The following SHB variants were observed in gnomAD, a reference collection of about 807,000 sequenced individuals.
SHB encodes SH2 domain containing adaptor protein B, also known as SH2 domain-containing adapter protein B.
Under a neutral mutation model 52.3 loss-of-function variants are expected in SHB, and 20 were observed. That is an observed-to-expected ratio of 0.38 (90% confidence interval 0.27 to 0.56). The LOEUF is 0.56. Ranked by LOEUF, SHB falls within the 20% of genes least tolerant of loss-of-function variation. The pLI is 0.71. For synonymous variants in SHB, 397 were observed against 316.5 expected (o/e 1.25, Z -2.70); for missense variants, 825 against 723.3 (o/e 1.14, Z -1.61).
At chr9:37,989,070 T>A (rs1420802068) in intron 2 of SHB, among the ~76,000 whole-genome samples, 2 of 130,004 alleles carry the variant, frequency 1.5e-5, no homozygotes, top group Non-Finnish European at 3.2e-5. Flanking sequence ...TCTCTGCACA[T>A]GCACATACAC....
intron 5 of SHB, among the ~76,000 whole-genome samples, chr9:37,925,750 T>C (rs116051323): frequency 0.011 from 1,626 of 152,346 alleles, 21 homozygotes; most frequent in African/African-American, 0.038. Context: ...CCAAAGAATG[T>C]GGCACAAAGC....
chr9:38,060,917 C>G (rs1821883238), intron 1 of SHB, among the ~76,000 whole-genome samples: 1 of 152,214 alleles, frequency 6.6e-6, no homozygotes, highest in African/African-American at 2.4e-5. Flanking sequence ...CTATCCAGGC[C>G]CTGGTTCATC....
chr9:38,022,494 C>T (rs1821293271), intron 1 of SHB, among the ~76,000 whole-genome samples: 1 of 152,124 alleles, frequency 6.6e-6, no homozygotes, highest in Non-Finnish European at 1.5e-5. Context: ...TGGCCCTCTC[C>T]CCAGCTCTGA....
At chr9:38,004,058 C>T (rs1402152840) in intron 2 of SHB, among the ~76,000 whole-genome samples, 1 of 152,202 alleles carries the variant, frequency 6.6e-6, no homozygotes, top group East Asian at 1.9e-4. Context: ...CCTGCTCCTG[C>T]CTGGGCTTTG....
intron 2 of SHB, among the ~76,000 whole-genome samples, chr9:37,976,742 G>C (rs1274847657): frequency 2.0e-5 from 3 of 152,172 alleles, no homozygotes; most frequent in African/African-American, 4.8e-5. Context: ...AAAGGGGTGA[G>C]GACTGTAAGT....
At chr9:38,060,132 T>A (rs1022509516) in intron 1 of SHB, among the ~76,000 whole-genome samples, 1 of 152,176 alleles carries the variant, frequency 6.6e-6, no homozygotes, top group Admixed American at 6.5e-5. Context: ...AGATCTGGCT[T>A]CACATCTCAT....
In SHB at chr9:38,068,467, G is replaced by A; in HGVS notation, c.179C>T (p.Ala60Val). The A allele has an allele frequency of 3.3e-6, 5 of 1,516,638 alleles. No individual in the cohort carries two copies. The highest frequency in any genetic ancestry group is 2.4e-5 in the South Asian group (2 of 81,692). The allele number at this position is 1,516,638 out of a possible 1,614,324, so 93.9% of individuals were successfully genotyped here. A position where few individuals can be genotyped will look rare whatever the true frequency, so the allele number is the denominator to read the frequency against. The change falls in exon 1 of 6, where the codon GCC becomes GTC. Residue 60 changes from alanine (A) to valine (V), a missense_variant. Physicochemically the swap from Ala to Val is moderately conservative, Grantham distance 64. Coordinates refer to ENST00000377707, the MANE Select transcript of SHB (RefSeq NM_003028.3). ...AASASCGPAT[A>V]SCFSASSGSL... ...GCCCGAAGAGGCTGAGAAGCAGGAG[G>A]CGGTGGCCGGACCGCAGGACGCCGA...
At chr9:37,980,383 T>C (rs1334963671) in intron 2 of SHB, among the ~76,000 whole-genome samples, 2 of 152,250 alleles carry the variant, frequency 1.3e-5, no homozygotes, top group Non-Finnish European at 2.9e-5. Context: ...TGCTCATCCA[T>C]AAGAAGCAAC....
intron 2 of SHB, among the ~76,000 whole-genome samples, chr9:37,996,970 T>G (rs566359033): frequency 1.4e-4 from 21 of 152,320 alleles, no homozygotes; most frequent in Middle Eastern, 3.4e-3. Flanking sequence ...TCAATCTGTG[T>G]GTCTGCCTGG....
At chr9:37,944,386 C>A (rs576151036) in intron 5 of SHB, among the ~76,000 whole-genome samples, 1 of 152,290 alleles carries the variant, frequency 6.6e-6, no homozygotes, top group East Asian at 1.9e-4. Flanking sequence ...AGCCTTACAC[C>A]AACCCTAAAT....
intron 3 of SHB, among the ~76,000 whole-genome samples, chr9:37,959,855 G>A (rs1394939169): frequency 2.0e-5 from 3 of 152,124 alleles, no homozygotes; most frequent in South Asian, 2.1e-4. Context: ...CCTGGCTCCC[G>A]GTGAGCCCCC....
chr9:37,948,749 T>C lies in SHB; in HGVS notation c.1232A>G (p.Tyr411Cys). The C allele has an allele frequency of 6.2e-7, 1 of 1,613,710 alleles. No homozygotes were observed. The highest frequency in any genetic ancestry group is 8.5e-7 in the Non-Finnish European group (1 of 1,179,982). ...PAVPLEKQIW[Y>C]HGAISRGDAE... ...GTCTCCTCTGCTGATGGCTCCGTGA[T>C]ACCATCTGTGGAGAGGGCAGAGAGT... is the stretch of plus-strand genomic sequence containing the variant. Residue 411 changes from tyrosine (Y) to cysteine (C), a missense_variant, in exon 5 of 6, where the codon TAT (tyrosine) becomes TGT (cysteine). By Grantham distance (194) the Tyr-to-Cys change is radical. Transcript: ENST00000377707.
Position 38,047,377 on chromosome 9 carries a change from G to A in SHB, c.717+20552C>T, listed in dbSNP as rs114681159. 9.2e-3 allele frequency among the ~76,000 whole-genome samples: 1,398 copies of A among 152,112 alleles called. 17 individuals are homozygous for A. Among genetic ancestry groups the A allele is most frequent in the African/African-American group, 0.029 (1,182 of 41,380 alleles). ...GGCTGAGCTATTTTCTAGTTGCAGC[G>A]GTCCAATCTTCTTACCCACAAGTGT... On this transcript the variant is annotated intron_variant, in intron 1 of 5. Coordinates refer to ENST00000377707, the MANE Select transcript of SHB (RefSeq NM_003028.3).
intron 2 of SHB, among the ~76,000 whole-genome samples, chr9:37,991,306 C>A (rs1435002947): frequency 6.6e-6 from 1 of 152,188 alleles, no homozygotes; most frequent in Non-Finnish European, 1.5e-5. Context: ...TGATCAGAGT[C>A]TGTGCACGCT....
chr9:37,979,643 A>G (rs1587225816), intron 2 of SHB, among the ~76,000 whole-genome samples: 1 of 151,930 alleles, frequency 6.6e-6, no homozygotes, highest in East Asian at 1.9e-4. Flanking sequence ...CAAAAAAACA[A>G]CAACAACAAA....
rs369548116 is a variant in SHB, at chr9:37,956,545, C to T, written c.1055-491G>A. Among the ~76,000 whole-genome samples the T allele has an allele frequency of 2.0e-4, 30 of 152,334 alleles. No individual in the cohort carries two copies. In the East Asian group the frequency reaches 3.9e-3, roughly 20 times the overall value. On this transcript the variant is annotated intron_variant, in intron 3 of 5. Coordinates refer to ENST00000377707, the MANE Select transcript of SHB (RefSeq NM_003028.3). Reference sequence around the variant, plus strand: ...AGAGTGCCACTTAGGGGTCATGCTACATCCCCTGTATTCAGATCCCCCGCA... The same window carrying T: ...AGAGTGCCACTTAGGGGTCATGCTATATCCCCTGTATTCAGATCCCCCGCA...
intron 1 of SHB, among the ~76,000 whole-genome samples, chr9:38,057,393 G>A (rs905610183): frequency 6.6e-6 from 1 of 152,140 alleles, no homozygotes; most frequent in Non-Finnish European, 1.5e-5. Flanking sequence ...ACGGAATTAG[G>A]GTTGGTTTCT....
rs751863722 is a variant in SHB at position 38,068,524 on chromosome 9, G to A, written c.122C>T (p.Pro41Leu). 1.4e-6 allele frequency: 2 copies of A among 1,461,556 alleles called. No homozygotes were observed. Among genetic ancestry groups the A allele is most frequent in the African/African-American group, 3.0e-5 (2 of 67,768 alleles). The allele number at this position is 1,461,556 out of a possible 1,614,324, so 90.5% of individuals were successfully genotyped here. Residue 41 changes from proline to leucine, a missense_variant, in exon 1 of 6, where the codon CCC (proline) becomes CTC (leucine). Physicochemically the swap from Pro to Leu is moderately conservative, Grantham distance 98. Transcript: ENST00000377707. ...GGAGGAGGCCTGCGGCACGGCCTGG[G>A]GGGGCTGCGAAGGCCGCTCGCCTCG... ...RRRGERPSQP[P>L]QAVPQASSAA...
At chr9:37,939,238 C>CT (rs1832409857) in intron 5 of SHB, among the ~76,000 whole-genome samples, 2 of 152,244 alleles carry the variant, frequency 1.3e-5, no homozygotes, top group South Asian at 4.1e-4. Flanking sequence ...ATCAGCCTAG[C>CT]ACCTGAGTGC....
Sources: allele counts gnomAD v4.1 joint callset (sites outside exome capture counted in the v4.1 genomes callset), GRCh38; gene constraint gnomAD v4.1.1; transcripts MANE v1.5; gene names NCBI Gene and HGNC (gene_info 2026-07-23, HGNC 2026-07-21).